The following ABCA2 variants were observed in gnomAD, a reference collection of about 807,000 sequenced individuals.
The protein encoded by ABCA2 is ATP binding cassette subfamily A member 2.
ABCA2 carries 84 observed loss-of-function variants against 262.8 expected under a neutral mutation model. The ratio of observed to expected loss-of-function variants is 0.32; its 90% CI spans 0.27 to 0.38. The LOEUF (loss-of-function observed/expected upper bound fraction) is 0.38. ABCA2 is among the 10% of genes least tolerant of loss of function. The probability of loss-of-function intolerance (pLI) is 1.00; values close to 1 mark genes in which losing one functional copy is unlikely to be tolerated. For synonymous variants in ABCA2, 1,696 were observed against 1,502.9 expected (o/e 1.13, Z -2.97); for missense variants, 2,662 against 3,405.9 (o/e 0.78, Z 5.44).
rs529489458 is a variant in ABCA2 at position 137,023,786 on chromosome 9, C to G, written c.163+52G>C. 4.4e-5 allele frequency: 32 copies of G among 734,086 alleles called. No homozygotes were observed. In the African/African-American group the frequency reaches 5.5e-4, roughly 13 times the overall value. The allele number at this position is 734,086 out of a possible 1,614,324, so 45.5% of individuals were successfully genotyped here. On this transcript the variant is annotated intron_variant, in intron 3 of 48. Transcript: ENST00000341511. ...CGCTCAAGCCAGGACGGCCCATGGG[C>G]CCCCCGCAGCTGCTGCCCAGGCCAG...
chr9:137,009,247 T>G, intron 45 of ABCA2, 123 bp downstream of exon 45: 6 of 460,340 alleles, frequency 1.3e-5, no homozygotes, highest in East Asian at 4.8e-5. Flanking sequence ...CCAGCCCCAG[T>G]GCCCCCAGCC....
Position 137,022,014 on chromosome 9 carries a change from G to A in ABCA2, c.568-13C>T, listed in dbSNP as rs1183478080. On this transcript the variant is annotated splice_polypyrimidine_tract_variant and intron_variant, in intron 6 of 48. Transcript: ENST00000341511. ...GCAGGTGGTAGACCTAGGAGGTGTG[G>A]GGGAATGGCTCAGATGGGGTGTGGG... The A allele has an allele frequency of 6.4e-7, 1 of 1,567,456 alleles. No individual in the cohort carries two copies. Among genetic ancestry groups the A allele is most frequent in the African/African-American group, 1.4e-5 (1 of 72,786 alleles).
In ABCA2 at chr9:137,015,608, C is replaced by G; in HGVS notation, c.3515-12G>C. 6.2e-7 allele frequency: 1 copy of G among 1,612,194 alleles called. No individual in the cohort carries two copies. The highest frequency in any genetic ancestry group is 8.5e-7 in the Non-Finnish European group (1 of 1,179,644). On this transcript the variant is annotated splice_polypyrimidine_tract_variant and intron_variant, in intron 23 of 48. Coordinates refer to ENST00000341511, the MANE Select transcript of ABCA2 (RefSeq NM_001606.5). ...AAGGATGGTGCGGCCTAGGACAAGGCCAGACCCAGGGTCAGGGGGCAGGGG... is the reference window on the plus strand; with the variant it reads ...AAGGATGGTGCGGCCTAGGACAAGGGCAGACCCAGGGTCAGGGGGCAGGGG...
intron 13 of ABCA2, 37 bp from the exon 14 acceptor site, chr9:137,018,388 G>A (rs746166720): frequency 6.6e-7 from 1 of 1,520,384 alleles, no homozygotes; most frequent in South Asian, 1.2e-5. Context: ...CAAGATGCAG[G>A]GGCGGGACCA....
Position 137,007,902 on chromosome 9 carries a change from T to C in ABCA2, c.*27A>G. On this transcript the variant is annotated 3_prime_UTR_variant, in exon 49 of 49. Transcript: ENST00000341511. ...CCAGCTCTGGGTGGTCAGTGGAGCG[T>C]GTCCTCCCTGGCCCAGCTCTGGGTG... is the stretch of plus-strand genomic sequence containing the variant. 2.5e-6 allele frequency: 4 copies of C among 1,604,094 alleles called. No individual in the cohort carries two copies. Among genetic ancestry groups the C allele is most frequent in the East Asian group, 2.2e-5 (1 of 44,856 alleles).
rs775710917 is a variant in ABCA2 at position 137,012,843 on chromosome 9, G to A, written c.4950C>T (p.Phe1650=). 40 of 1,609,600 alleles carry A rather than the reference G, an allele frequency of 2.5e-5. No homozygotes were observed. Among genetic ancestry groups the A allele is most frequent in the Admixed American group, 1.5e-4 (9 of 59,672 alleles). The change falls in exon 31 of 49, where the codon TTC becomes TTT. Residue 1650 remains phenylalanine, a synonymous_variant. Coordinates refer to ENST00000341511, the MANE Select transcript of ABCA2 (RefSeq NM_001606.5). ...GCCCGCCCACACTGCTGGGGCAGGA[G>A]AAGCCGGTGCCCTGCGCAGAGCAGG... is the stretch of plus-strand genomic sequence containing the variant. ...RCTCSAQGTG[F]SCPSSVGGHP...
Position 137,009,533 on chromosome 9 carries a change from G to A in ABCA2, c.6734+8C>T, listed in dbSNP as rs200260113. On this transcript the variant is annotated splice_region_variant and intron_variant, in intron 44 of 48. Coordinates refer to ENST00000341511, the MANE Select transcript of ABCA2 (RefSeq NM_001606.5). The stretch of plus-strand genomic sequence containing the variant: ...GGGGGCACAAAGAGGGGGTGGGGGC[G>A]CCCTCACCTGTGTGATGTCAGCACC... 3.3e-5 allele frequency: 53 copies of A among 1,612,532 alleles called. No individual in the cohort carries two copies. In the Admixed American group the frequency reaches 4.5e-4, roughly 14 times the overall value.
At chr9:137,015,231 G>C (rs1311243052) in intron 24 of ABCA2, 134 bp from the exon 25 acceptor site, 4 of 1,226,360 alleles carry the variant, frequency 3.3e-6, no homozygotes, top group Admixed American at 2.8e-5. Flanking sequence ...CTGGGCCCAG[G>C]GGGTGACGCT....
chr9:137,017,378 C>T, intron 17 of ABCA2, 32 bp from the exon 18 acceptor site: 2 of 1,610,198 alleles, frequency 1.2e-6, no homozygotes, highest in South Asian at 2.2e-5. Context: ...GCACCGTCAT[C>T]CACCCGCACG....
Position 137,018,314 on chromosome 9 carries a change from C to A in ABCA2, c.1857G>T (p.Pro619=), listed in dbSNP as rs920039288. 1.4e-6 allele frequency: 2 copies of A among 1,437,268 alleles called. No homozygotes were observed. The highest frequency in any genetic ancestry group is 1.6e-5 in the African/African-American group (1 of 63,038). 89.0% of individuals were successfully genotyped at this position (1,437,268 alleles called of 1,614,324 possible). A position where few individuals can be genotyped will look rare whatever the true frequency, so the allele number is the denominator to read the frequency against. ...IFQTRKDGSL[P]PHVHYKIRQN... The stretch of plus-strand genomic sequence containing the variant: ...GGCGGATCTTGTAGTGCACGTGAGG[C>A]GGGAGCGAGCCGTCCTTCCGGGTCT... The change falls in exon 14 of 49, where the codon CCG becomes CCT. Residue 619 remains proline, a synonymous_variant. Coordinates refer to ENST00000341511, the MANE Select transcript of ABCA2 (RefSeq NM_001606.5).
chr9:137,025,426 C>G (rs1831621911), intron 1 of ABCA2, among the ~76,000 whole-genome samples: 1 of 152,244 alleles, frequency 6.6e-6, no homozygotes, highest in South Asian at 2.1e-4. Flanking sequence ...CCTTTGTCCT[C>G]ATCCCCATCC....
rs768066264 is a variant in ABCA2 at position 137,013,929 on chromosome 9, G to A, written c.4350C>T (p.Cys1450=). 6.8e-6 allele frequency: 11 copies of A among 1,609,234 alleles called. No individual in the cohort carries two copies. Among genetic ancestry groups the A allele is most frequent in the South Asian group, 4.4e-5 (4 of 90,714 alleles). The change falls in exon 28 of 49, where the codon TGC becomes TGT. Residue 1450 remains cysteine (C), a synonymous_variant. Transcript: ENST00000341511. ...FHGLLVKRFH[C]ARRNSKALFS... is the part of the protein sequence containing the mutation. ...AGAGTGCCTTGGAGTTGCGGCGGGCGCAGTGGAAGCGTTTGACCAGCAGCC... is the reference window on the plus strand; with the variant it reads ...AGAGTGCCTTGGAGTTGCGGCGGGCACAGTGGAAGCGTTTGACCAGCAGCC...
chr9:137,018,157 T>G, intron 14 of ABCA2, 21 bp downstream of exon 14: 1 of 1,610,798 alleles, frequency 6.2e-7, no homozygotes, highest in Non-Finnish European at 8.5e-7. Context: ...CTCCAGCCGG[T>G]CTTCCGGGCC....
upstream of ABCA2, chr9:137,028,662 T>G (rs954015383): frequency 9.6e-6 from 11 of 1,142,306 alleles, no homozygotes; most frequent in African/African-American, 1.0e-4. This position sits in a 1 kb window ranked among gnomAD's most constrained non-coding sequence, Gnocchi z 6.9. Flanking sequence ...CTCACCCCCG[T>G]AAGGGTCTCC....
At chr9:137,022,917 T>G in intron 4 of ABCA2, 24 bp downstream of exon 4, 17 of 418,964 alleles carry the variant, frequency 4.1e-5, no homozygotes, top group Non-Finnish European at 5.7e-5. Flanking sequence ...GGGTGGGTGC[T>G]CCGAGGGGCG....
At chr9:137,009,117 C>T in intron 45 of ABCA2, 64 bp from the exon 46 acceptor site, 2 of 1,515,642 alleles carry the variant, frequency 1.3e-6, no homozygotes, top group Non-Finnish European at 1.8e-6. Flanking sequence ...GCCCCCCAGC[C>T]TCCCAGCCCT....
At position 137,018,729 on chromosome 9, in the gene ABCA2, A is replaced by G. The variant is rs1418482889; in HGVS notation, c.1809T>C (p.Thr603=). 1 of 1,611,166 alleles carries G rather than the reference A, an allele frequency of 6.2e-7. No homozygotes were observed. Among genetic ancestry groups the G allele is most frequent in the East Asian group, 2.2e-5 (1 of 44,824 alleles). Residue 603 remains threonine (T), a synonymous_variant, in exon 13 of 49, where the codon ACT becomes ACC. Coordinates refer to ENST00000341511, the MANE Select transcript of ABCA2 (RefSeq NM_001606.5). The stretch of plus-strand genomic sequence containing the variant: ...GGGAGGGCAGCTCACTGGCAAAAAC[A>G]GTGACGTTGTCCTGGTAGGCCTGGT... ...TLNQAYQDNV[T]VFASVIFQTR...
chr9:137,022,532 C>T, intron 5 of ABCA2, 54 bp from the exon 6 acceptor site: 1 of 1,591,634 alleles, frequency 6.3e-7, no homozygotes, highest in Non-Finnish European at 8.6e-7. Flanking sequence ...GCAAGGTGCC[C>T]CCACATGCGC....
rs760034490 is a variant in ABCA2, at chr9:137,021,474, T to A, written c.815A>T (p.Gln272Leu). The A allele has an allele frequency of 6.2e-7, 1 of 1,611,960 alleles. No homozygotes were observed. The highest frequency in any genetic ancestry group is 1.7e-5 in the Admixed American group (1 of 59,964). Residue 272 changes from glutamine to leucine, a missense_variant, in exon 8 of 49, where the codon CAG becomes CTG. Gln to Leu is a moderately radical substitution (Grantham distance 113). This residue lies in a region of ABCA2 where 403 missense variants were observed against 375.9 expected (regional missense o/e 1.07). Coordinates refer to ENST00000341511, the MANE Select transcript of ABCA2 (RefSeq NM_001606.5). This position sits in a 1 kb window ranked among gnomAD's most constrained non-coding sequence, Gnocchi z 6.0. ...QGYRDAVCSG[Q>L]AAARARRFSG... Reference sequence around the variant, plus strand: ...GAAGCGCCTGGCACGCGCAGCAGCCTGCCCACTGCAGACAGCATCCCGGTA... The same window carrying A: ...GAAGCGCCTGGCACGCGCAGCAGCCAGCCCACTGCAGACAGCATCCCGGTA...
Sources: gnomAD v4.1 joint callset for allele counts (sites outside exome capture counted in the v4.1 genomes callset) on GRCh38, gnomAD v4.1.1 for gene constraint, gnomAD v4.1.1 regional missense constraint, Gnocchi (gnomAD v3.1) non-coding constraint, MANE v1.5 for transcripts, NCBI Gene and HGNC (gene_info 2026-07-23, HGNC 2026-07-21) for gene names.